Variants in PPM1J observed in about 807,000 individuals in gnomAD.
PPM1J encodes protein phosphatase 1J.
A neutral mutation model predicts 53.3 loss-of-function variants in PPM1J; 43 were observed. That is an observed-to-expected ratio of 0.81 (90% CI 0.63 to 1.04). The LOEUF (loss-of-function observed/expected upper bound fraction) is 1.04. PPM1J is among the 50% of genes least tolerant of loss of function. The probability of loss-of-function intolerance (pLI) is 0.00; values close to 1 mark genes in which losing one functional copy is unlikely to be tolerated. For synonymous variants in PPM1J, 267 were observed against 286.4 expected (o/e 0.93, Z 0.68); for missense variants, 635 against 685.9 (o/e 0.93, Z 0.83).
chr1:112,715,171 C>G lies in PPM1J; in HGVS notation c.131G>C (p.Arg44Thr). The G allele has an allele frequency of 1.3e-6, 2 of 1,506,172 alleles. No individual in the cohort carries two copies. The highest frequency in any genetic ancestry group is 1.2e-5 in the South Asian group (1 of 81,068). 93.3% of individuals were successfully genotyped at this position (1,506,172 alleles called of 1,614,324 possible). Reference protein sequence around the residue: ...APPAAAPEAPRSPPAKAGSGS... With the variant: ...APPAAAPEAPTSPPAKAGSGS... ...GCTCCCAGCCTTCGCGGGAGGGCTC[C>G]TGGGCGCTTCTGGAGCGGCGGCGGG... The change falls in exon 1 of 10, where the codon AGG becomes ACG. Residue 44 changes from arginine to threonine, a missense_variant. Transcript: ENST00000309276. The surrounding 1 kb of genome is among the most constrained non-coding windows in gnomAD (Gnocchi z 4.4).
chr1:112,713,967 C>A, intron 1 of PPM1J: 1 of 1,011,166 alleles, frequency 9.9e-7, no homozygotes, highest in Non-Finnish European at 1.3e-6. Context: ...GTTTTACTTC[C>A]CTGCTAGCTA....
At chr1:112,711,506 AT>A (rs1218690590) in intron 5 of PPM1J, 122 bp from the exon 6 acceptor site, 1 of 626,528 alleles carries the variant, frequency 1.6e-6, no homozygotes, top group Non-Finnish European at 2.9e-6. Context: ...GCCACACGTT[AT>A]TCTAATATTA....
At chr1:112,714,032 C>A in intron 1 of PPM1J, 2 of 1,060,648 alleles carry the variant, frequency 1.9e-6, no homozygotes, top group Non-Finnish European at 2.3e-6. Flanking sequence ...TTGTCCCCAG[C>A]ACCTCATCCT....
chr1:112,710,573 T>C lies in PPM1J; in HGVS notation c.1257A>G (p.Pro419=). The stretch of plus-strand genomic sequence containing the variant: ...CTGTTCCCAGGACTAGCACATCATC[T>C]GGGCAGTGCTCATATTGTGTCAGGT... ...VYDLTQYEHC[P]DDVLVLGTDG... is the part of the protein sequence containing the mutation. Residue 419 remains proline, a synonymous_variant, in exon 9 of 10, where the codon CCA becomes CCG. Coordinates refer to ENST00000309276, the MANE Select transcript of PPM1J (RefSeq NM_005167.7). 3 of 1,614,198 alleles carry C rather than the reference T, an allele frequency of 1.9e-6. No individual in the cohort carries two copies. The highest frequency in any genetic ancestry group is 2.5e-6 in the Non-Finnish European group (3 of 1,180,032).
chr1:112,715,220 G>A lies in PPM1J; in HGVS notation c.82C>T (p.Leu28=), dbSNP rs7339992. The A allele has an allele frequency of 2.0e-5, 29 of 1,419,040 alleles. No individual in the cohort carries two copies. Among genetic ancestry groups the A allele is most frequent in the Non-Finnish European group, 2.5e-5 (27 of 1,098,678 alleles). 87.9% of individuals were successfully genotyped at this position (1,419,040 alleles called of 1,614,324 possible). ...APPPRPKSPD[L]PNAASAPPAA... is the part of the protein sequence containing the mutation. ...GGCGGCGCCGAGGCGGCGTTGGGCA[G>A]GTCCGGGGATTTGGGGCGCGGAGGC... is the stretch of plus-strand genomic sequence containing the variant. Residue 28 remains leucine, a synonymous_variant, in exon 1 of 10, where the codon CTG becomes TTG. Transcript: ENST00000309276. This position sits in a 1 kb window ranked among gnomAD's most constrained non-coding sequence, Gnocchi z 4.4.
chr1:112,712,563 C>T (rs1675090531), intron 3 of PPM1J, 106 bp from the exon 4 acceptor site: 2 of 1,205,318 alleles, frequency 1.7e-6, no homozygotes, highest in Admixed American at 2.1e-5. Flanking sequence ...CCCAGCCAGG[C>T]TACACTGGAA....
Position 112,713,064 on chromosome 1 carries a change from TTGTGTGTGTGTG to T in PPM1J, c.442-45_442-34del, listed in dbSNP as rs36095892. The T allele has an allele frequency of 6.9e-3, 7,099 of 1,032,590 alleles. 17 individuals carry two copies. The highest frequency in any genetic ancestry group is 9.0e-3 in the Non-Finnish European group (6,425 of 717,256). 64.0% of individuals were successfully genotyped at this position (1,032,590 alleles called of 1,614,324 possible). A position where few individuals can be genotyped will look rare whatever the true frequency, so the allele number is the denominator to read the frequency against. On this transcript the variant is annotated intron_variant, in intron 2 of 9. Coordinates refer to ENST00000309276, the MANE Select transcript of PPM1J (RefSeq NM_005167.7). ...AGGAAAAGTTGGAGGTGAGTTTTGTTTGTGTGTGTGTGTGTGTGTGTGTGTGTGTGTGTTATG... is the reference window on the plus strand; with the variant it reads ...AGGAAAAGTTGGAGGTGAGTTTTGTTTGTGTGTGTGTGTGTGTGTGTTATG...
Position 112,715,023 on chromosome 1 carries a change from G to C in PPM1J, c.279C>G (p.Ser93Arg). The change falls in exon 1 of 10, where the codon AGC becomes AGG. Residue 93 changes from serine to arginine, a missense_variant. Physicochemically the swap from Ser to Arg is moderately radical, Grantham distance 110. Transcript: ENST00000309276. The surrounding 1 kb of genome is among the most constrained non-coding windows in gnomAD (Gnocchi z 4.4). ...ADDHAGRAVQ[S>R]PPDTGRRLPW... Reference sequence around the variant, plus strand: ...GCAGGCGGCGGCCCGTGTCCGGGGGGCTTTGCACAGCCCGGCCCGCGTGGT... The same window carrying C: ...GCAGGCGGCGGCCCGTGTCCGGGGGCCTTTGCACAGCCCGGCCCGCGTGGT... 1.3e-6 allele frequency: 2 copies of C among 1,499,476 alleles called. No homozygotes were observed. Among genetic ancestry groups the C allele is most frequent in the Non-Finnish European group, 1.8e-6 (2 of 1,132,622 alleles). The allele number at this position is 1,499,476 out of a possible 1,614,324, so 92.9% of individuals were successfully genotyped here.
At position 112,715,121 on chromosome 1, in the gene PPM1J, CA is replaced by C. The variant is rs757924653; in HGVS notation, c.180del (p.Val61LeufsTer15). The C allele has an allele frequency of 3.2e-6, 5 of 1,556,218 alleles. No homozygotes were observed. The highest frequency in any genetic ancestry group is 4.3e-6 in the Non-Finnish European group (5 of 1,161,508). The part of the protein sequence containing the change: ...AGSGSATPAK[A>X]VEARASFSRP... Reference sequence around the variant, plus strand: ...CTGGAGAAGCTCGCTCGAGCCTCAACAGCCTTCGCGGGCGTCGCGCTCCCGC... The same window carrying C: ...CTGGAGAAGCTCGCTCGAGCCTCAACGCCTTCGCGGGCGTCGCGCTCCCGC... On this transcript the variant is annotated frameshift_variant, in exon 1 of 10. Transcript: ENST00000309276. LOFTEE classifies it high-confidence loss of function. This position sits in a 1 kb window ranked among gnomAD's most constrained non-coding sequence, Gnocchi z 4.4.
chr1:112,713,200 T>C (rs1557784016), intron 2 of PPM1J, among the ~76,000 whole-genome samples, 169 bp from the exon 3 acceptor site: 1 of 152,102 alleles, frequency 6.6e-6, no homozygotes, highest in Non-Finnish European at 1.5e-5. Flanking sequence ...AGGCTTCGTA[T>C]GTGTCAAGAG....
chr1:112,712,518 T>C (rs1570842253), intron 3 of PPM1J, 61 bp from the exon 4 acceptor site: 3 of 1,418,360 alleles, frequency 2.1e-6, no homozygotes, highest in South Asian at 1.2e-5. Context: ...ACAGTCACCC[T>C]CCCCCTACCC....
chr1:112,714,171 A>T (rs1675137823), intron 1 of PPM1J: 16 of 993,914 alleles, frequency 1.6e-5, no homozygotes, highest in Non-Finnish European at 1.8e-5. Flanking sequence ...GCCCACCTGG[A>T]CTGGGCAGGA....
intron 7 of PPM1J, 54 bp downstream of exon 7, chr1:112,710,954 A>G (rs1250105469): frequency 1.6e-5 from 26 of 1,593,138 alleles, no homozygotes; most frequent in Non-Finnish European, 2.2e-5. Context: ...CCACCTCCCT[A>G]GACAAGTTGT....
In PPM1J at chr1:112,713,000, T is replaced by A. The variant is rs781500170; in HGVS notation, c.473A>T (p.Asp158Val). The A allele has an allele frequency of 6.2e-7, 1 of 1,609,806 alleles. No homozygotes were observed. The highest frequency in any genetic ancestry group is 8.5e-7 in the Non-Finnish European group (1 of 1,177,784). Residue 158 changes from aspartate (D) to valine (V), a missense_variant, in exon 3 of 10, where the codon GAT becomes GTT. By Grantham distance (152) the Asp-to-Val change is radical. Transcript: ENST00000309276. ...GLCFYYWGLFDGHAGGGAAEM... is the reference protein window; with the variant it reads ...GLCFYYWGLFVGHAGGGAAEM... ...AGCAGCTCCGCCCCCTGCATGCCCA[T>A]CAAATAGGCCCCAGTAGTAGAAGCA...
Position 112,715,035 on chromosome 1 carries a change from C to G in PPM1J, c.267G>C (p.Arg89=). 1 of 1,522,454 alleles carries G rather than the reference C, an allele frequency of 6.6e-7. No homozygotes were observed. The highest frequency in any genetic ancestry group is 8.7e-7 in the Non-Finnish European group (1 of 1,143,400). The allele number at this position is 1,522,454 out of a possible 1,614,324, so 94.3% of individuals were successfully genotyped here. The part of the protein sequence containing the change: ...GLRRADDHAG[R]AVQSPPDTGR... ...CCGTGTCCGGGGGGCTTTGCACAGC[C>G]CGGCCCGCGTGGTCATCGGCGCGTC... is the stretch of plus-strand genomic sequence containing the variant. Residue 89 remains arginine (R), a synonymous_variant, in exon 1 of 10, where the codon CGG becomes CGC. Transcript: ENST00000309276. The surrounding 1 kb of genome is among the most constrained non-coding windows in gnomAD (Gnocchi z 4.4).
In PPM1J at chr1:112,712,460, G is replaced by A; in HGVS notation, c.730-3C>T. ...CGCTCCCGGGCCATCTGCTCATCCT[G>A]CCACATAAGGAAGGGTCAGAGGTGG... On this transcript the variant is annotated splice_region_variant and splice_polypyrimidine_tract_variant and intron_variant, in intron 3 of 9. Coordinates refer to ENST00000309276, the MANE Select transcript of PPM1J (RefSeq NM_005167.7). 6.2e-7 allele frequency: 1 copy of A among 1,612,458 alleles called. No homozygotes were observed. The highest frequency in any genetic ancestry group is 1.1e-5 in the South Asian group (1 of 90,992).
chr1:112,711,996 G>T lies in PPM1J; in HGVS notation c.902C>A (p.Thr301Asn), dbSNP rs765389335. The T allele has an allele frequency of 6.2e-7, 1 of 1,609,056 alleles. No individual in the cohort carries two copies. The change falls in exon 5 of 10, where the codon ACT (threonine) becomes AAT (asparagine). Residue 301 changes from threonine to asparagine, a missense_variant. By Grantham distance (65) the Thr-to-Asn change is moderately conservative. Transcript: ENST00000309276. ...IPMSREFTPETERQRLQLLGF... is the reference protein window; with the variant it reads ...IPMSREFTPENERQRLQLLGF... The stretch of plus-strand genomic sequence containing the variant: ...AAGCAGCTGAAGACGCTGGCGCTCA[G>T]TCTCCGGGGTAAACTCCCGGGACAT...
Position 112,711,301 on chromosome 1 carries a change from C to G in PPM1J, c.1011G>C (p.Gln337His). 2 of 1,607,926 alleles carry G rather than the reference C, an allele frequency of 1.2e-6. No homozygotes were observed. Among genetic ancestry groups the G allele is most frequent in the Non-Finnish European group, 8.5e-7 (1 of 1,176,954 alleles). Residue 337 changes from glutamine to histidine, a missense_variant, in exon 6 of 10, where the codon CAG (glutamine) becomes CAC (histidine). Transcript: ENST00000309276. ...TGTTCTGGTCCCGGTACAACATCCT[C>G]TGCCCCAGCTCCTTGGGCAGAACTC... ...PRRVLPKELG[Q>H]RMLYRDQNMT...
intron 5 of PPM1J, 97 bp downstream of exon 5, chr1:112,711,874 G>T: frequency 1.2e-6 from 1 of 819,718 alleles, no homozygotes; most frequent in Non-Finnish European, 1.9e-6. Flanking sequence ...TGCTTTCTGT[G>T]CCTGTGGTGG....
Sources: gnomAD v4.1 joint callset for allele counts (sites outside exome capture counted in the v4.1 genomes callset) on GRCh38, gnomAD v4.1.1 for gene constraint, Gnocchi (gnomAD v3.1) non-coding constraint, MANE v1.5 for transcripts, NCBI Gene and HGNC (gene_info 2026-07-23, HGNC 2026-07-21) for gene names.